Variants in JMJD1C observed in about 807,000 individuals in gnomAD.
JMJD1C encodes jumonji domain-containing protein 1C.
In JMJD1C, 31 loss-of-function variants were observed where a neutral mutation model predicts 245.3. That is an observed-to-expected ratio of 0.13 (90% CI 0.09 to 0.17). The LOEUF is 0.17. Ranked by LOEUF, JMJD1C falls within the 10% of genes least tolerant of loss-of-function variation. The pLI, the probability that JMJD1C is intolerant of heterozygous loss-of-function variation, is 1.00. For missense variants in JMJD1C, 2,691 were observed against 3,000.2 expected (o/e 0.90, Z 2.41); for synonymous variants, 1,057 against 1,017.4 (o/e 1.04, Z -0.74).
Position 63,427,483 on chromosome 10 carries a change from T to A in JMJD1C, c.168+38012A>T, listed in dbSNP as rs913154008. 3.2e-6 allele frequency: 4 copies of A among 1,245,516 alleles called. No homozygotes were observed. The Admixed American group carries it at 7.1e-5, about 22-fold the overall frequency. 77.2% of individuals were successfully genotyped at this position (1,245,516 alleles called of 1,614,324 possible). A position where few individuals can be genotyped will look rare whatever the true frequency, so the allele number is the denominator to read the frequency against. ...ACTCCTGACCAAGACCAACAGGATGTCCCACTGGGCCAAGCAACTGTTTCC... is the reference window on the plus strand; with the variant it reads ...ACTCCTGACCAAGACCAACAGGATGACCCACTGGGCCAAGCAACTGTTTCC... On this transcript the variant is annotated intron_variant, in intron 1 of 25. Transcript: ENST00000399262.
chr10:63,184,848 C>G, intron 20 of JMJD1C, 110 bp from the exon 21 acceptor site: 2 of 995,682 alleles, frequency 2.0e-6, no homozygotes, highest in Non-Finnish European at 2.9e-6. Context: ...TTCCATAAGA[C>G]AGGTAACAAT....
intron 2 of JMJD1C, among the ~76,000 whole-genome samples, chr10:63,310,915 T>C (rs1314900344): frequency 6.6e-6 from 1 of 152,176 alleles, no homozygotes; most frequent in African/African-American, 2.4e-5. Context: ...GATACGATTT[T>C]ATATTTGGGG....
Position 63,206,827 on chromosome 10 carries a change from GTTGACT to G in JMJD1C, c.4836_4841del (p.Lys1612_Val1613del), listed in dbSNP as rs760388794. The G allele has an allele frequency of 3.1e-5, 50 of 1,599,716 alleles. No individual in the cohort carries two copies. In the South Asian group the frequency reaches 5.6e-4, roughly 18 times the overall value. ...CATAAGTTCTTTTGGCTTTTCTCCT[GTTGACT>G]TTATCATCTTTTACATATTTATCAA... On this transcript the variant is annotated inframe_deletion, in exon 10 of 26. Coordinates refer to ENST00000399262, the MANE Select transcript of JMJD1C (RefSeq NM_032776.3).
chr10:63,189,028 G>T, intron 18 of JMJD1C, 140 bp downstream of exon 18: 1 of 632,246 alleles, frequency 1.6e-6, no homozygotes, highest in Non-Finnish European at 2.5e-6. Flanking sequence ...AATCTTTTCG[G>T]TACTTTTATA....
chr10:63,330,058 GC>G (rs1941978056), intron 2 of JMJD1C, among the ~76,000 whole-genome samples: 1 of 151,888 alleles, frequency 6.6e-6, no homozygotes, highest in Admixed American at 6.6e-5. Flanking sequence ...GCGCCACCAC[GC>G]CCGGCTAATT....
intron 2 of JMJD1C, among the ~76,000 whole-genome samples, chr10:63,279,355 A>T (rs1857160146): frequency 6.6e-6 from 1 of 152,256 alleles, no homozygotes. Context: ...AATTGTATCC[A>T]TTGAAACAGA....
At chr10:63,179,616 TAAA>T (rs1391058415) in intron 22 of JMJD1C, among the ~76,000 whole-genome samples, 1 of 151,230 alleles carries the variant, frequency 6.6e-6, no homozygotes, top group Non-Finnish European at 1.5e-5. Flanking sequence ...TACAAAAAAA[TAAA>T]AAAGTTAGCC....
Position 63,516,472 on chromosome 10 carries a change from AC to A in JMJD1C, n.113+5265del, listed in dbSNP as rs1955022068. Among the ~76,000 whole-genome samples the A allele has an allele frequency of 2.0e-5, 3 of 152,340 alleles. No individual in the cohort carries two copies. In the South Asian group the frequency reaches 6.2e-4, roughly 32 times the overall value. ...ACCACAACCCCATATGCACCTGAATACCTGAAATCATAAGTCTATCTTGAGC... is the reference window on the plus strand; with the variant it reads ...ACCACAACCCCATATGCACCTGAATACTGAAATCATAAGTCTATCTTGAGC... On this transcript the variant is annotated intron_variant and non_coding_transcript_variant, in intron 1 of 3. Coordinates refer to the JMJD1C transcript ENST00000633035.
chr10:63,209,140 T>A lies in JMJD1C; in HGVS notation c.2790A>T (p.Ala930=), dbSNP rs1160808129. The A allele has an allele frequency of 6.2e-7, 1 of 1,613,922 alleles. No homozygotes were observed. Among genetic ancestry groups the A allele is most frequent in the Non-Finnish European group, 8.5e-7 (1 of 1,179,934 alleles). ...TAATTTTAAGAGGCCGATGAGGCTCTGCACTGGAAGGTCTGACAGGAATGT... is the reference window on the plus strand; with the variant it reads ...TAATTTTAAGAGGCCGATGAGGCTCAGCACTGGAAGGTCTGACAGGAATGT... ...LSHIPVRPSS[A]EPHRPLKITA... is the part of the protein sequence containing the mutation. The change falls in exon 9 of 26, where the codon GCA becomes GCT. Residue 930 remains alanine, a synonymous_variant. Coordinates refer to ENST00000399262, the MANE Select transcript of JMJD1C (RefSeq NM_032776.3).
At chr10:63,373,517 T>C (rs1350488812) in intron 2 of JMJD1C, among the ~76,000 whole-genome samples, 1 of 152,120 alleles carries the variant, frequency 6.6e-6, no homozygotes, top group African/African-American at 2.4e-5. Context: ...GTATAAGAGG[T>C]AGACAAGATA....
intron 2 of JMJD1C, among the ~76,000 whole-genome samples, chr10:63,364,791 G>C (rs944835831): frequency 2.6e-5 from 4 of 152,108 alleles, no homozygotes; most frequent in African/African-American, 9.7e-5. Context: ...CCGAGCACAT[G>C]TTTTACCAGA....
chr10:63,194,139 CAT>C (rs991881546), intron 14 of JMJD1C, 145 bp downstream of exon 14: 2 of 614,610 alleles, frequency 3.3e-6, no homozygotes, highest in African/African-American at 3.7e-5. Context: ...AGCTTTATTA[CAT>C]AGAGGATTTC....
At chr10:63,291,456 A>G (rs1858703178) in intron 2 of JMJD1C, among the ~76,000 whole-genome samples, 1 of 151,674 alleles carries the variant, frequency 6.6e-6, no homozygotes, top group Non-Finnish European at 1.5e-5. Context: ...TCTACTAAAA[A>G]TACAAAAAAT....
intron 1 of JMJD1C, among the ~76,000 whole-genome samples, chr10:63,471,986 C>G (rs974568778): frequency 1.3e-5 from 2 of 152,112 alleles, no homozygotes; most frequent in African/African-American, 4.8e-5. Context: ...CTTCAGTGGG[C>G]TGAGATTGCA....
chr10:63,374,611 A>G (rs1946573477), intron 2 of JMJD1C, among the ~76,000 whole-genome samples: 1 of 152,202 alleles, frequency 6.6e-6, no homozygotes, highest in South Asian at 2.1e-4. Context: ...TACATTTTAA[A>G]AAATCAGAGA....
chr10:63,230,778 C>G (rs999311676), intron 3 of JMJD1C, among the ~76,000 whole-genome samples: 6 of 150,780 alleles, frequency 4.0e-5, no homozygotes, highest in Admixed American at 1.3e-4. Context: ...GTCCCCCCCC[C>G]CAAAAAAAAT....
chr10:63,309,534 C>CT (rs970992015), intron 2 of JMJD1C, among the ~76,000 whole-genome samples: 3 of 145,616 alleles, frequency 2.1e-5, no homozygotes, highest in African/African-American at 7.5e-5. Flanking sequence ...AAAGCAACCT[C>CT]TAAGATGATA....
chr10:63,358,346 G>A (rs1945039572), intron 2 of JMJD1C, among the ~76,000 whole-genome samples: 1 of 151,826 alleles, frequency 6.6e-6, no homozygotes, highest in South Asian at 2.1e-4. Flanking sequence ...GCAACTAATT[G>A]TCATGTTTGG....
chr10:63,346,855 A>G (rs74318635), intron 2 of JMJD1C, among the ~76,000 whole-genome samples: 1,840 of 152,288 alleles, frequency 0.012, 20 homozygotes, highest in East Asian at 0.048. Flanking sequence ...CGCAACTAAA[A>G]TATCATTTTA....
Sources: allele counts gnomAD v4.1 joint callset (sites outside exome capture counted in the v4.1 genomes callset), GRCh38; gene constraint gnomAD v4.1.1; transcripts MANE v1.5; gene names NCBI Gene and HGNC (gene_info 2026-07-23, HGNC 2026-07-21).